The following NFATC1 variants were observed in gnomAD, a reference collection of about 807,000 sequenced individuals.
NFATC1 encodes nuclear factor of activated T-cells, cytoplasmic 1.
A neutral mutation model predicts 76.0 loss-of-function variants in NFATC1; 22 were observed. That is an observed-to-expected ratio of 0.29 (90% CI 0.21 to 0.41). NFATC1 has a LOEUF of 0.41. Among genes scored for constraint, NFATC1 ranks in the 10% least tolerant of loss-of-function variants. The probability of loss-of-function intolerance (pLI) is 1.00; values close to 1 mark genes in which losing one functional copy is unlikely to be tolerated. For missense variants in NFATC1, 1,357 were observed against 1,337.7 expected (o/e 1.01, Z -0.23); for synonymous variants, 704 against 613.1 (o/e 1.15, Z -2.19).
intron 1 of NFATC1, among the ~76,000 whole-genome samples, chr18:79,399,396 C>T (rs2085106617): frequency 6.6e-6 from 1 of 152,226 alleles, no homozygotes; most frequent in African/African-American, 2.4e-5. Flanking sequence ...GGGTTGCCAG[C>T]CTTGACACGC....
chr18:79,416,808 C>G (rs1013568586), intron 2 of NFATC1, among the ~76,000 whole-genome samples: 1 of 152,212 alleles, frequency 6.6e-6, no homozygotes, highest in African/African-American at 2.4e-5. Flanking sequence ...TTCCCGCTAA[C>G]CCTTGCTGGG....
At chr18:79,464,694 A>ATAT (rs1568994689) in intron 7 of NFATC1, among the ~76,000 whole-genome samples, 3 of 106,708 alleles carry the variant, frequency 2.8e-5, no homozygotes, top group African/African-American at 1.5e-4. Flanking sequence ...ATATATATAT[A>ATAT]TTTATTTATT....
intron 8 of NFATC1, among the ~76,000 whole-genome samples, chr18:79,474,701 G>GTAAACC (rs1280548804): frequency 7.1e-6 from 1 of 140,386 alleles, no homozygotes; most frequent in Non-Finnish European, 1.5e-5. Flanking sequence ...TGTCGACGTT[G>GTAAACC]TGAGGGAAGC....
At chr18:79,479,754 C>T (rs142717961) in intron 8 of NFATC1, among the ~76,000 whole-genome samples, 221 of 152,286 alleles carry the variant, frequency 1.5e-3, no homozygotes, top group Non-Finnish European at 2.5e-3. Context: ...CCGGGTGCCT[C>T]GCGCATCCCT....
intron 8 of NFATC1, chr18:79,469,723 C>T (rs2088695919): frequency 1.2e-5 from 12 of 985,898 alleles, no homozygotes; most frequent in Non-Finnish European, 1.4e-5. Context: ...GCCCGTTCTC[C>T]CTCTCTTTGC....
intron 1 of NFATC1, among the ~76,000 whole-genome samples, chr18:79,403,422 A>G (rs216118): frequency 6.6e-6 from 1 of 152,226 alleles, no homozygotes. Context: ...ACCCAGGAGC[A>G]GGCCCCGGGC....
intron 9 of NFATC1, among the ~76,000 whole-genome samples, chr18:79,488,094 C>G (rs1262908472): frequency 6.6e-6 from 1 of 152,200 alleles, no homozygotes; most frequent in Non-Finnish European, 1.5e-5. Context: ...GGCAGGGACT[C>G]CCGGGCGTCA....
chr18:79,527,973 T>C lies in NFATC1; in HGVS notation c.*396T>C, dbSNP rs2090813636. 7.3e-6 allele frequency: 3 copies of C among 410,658 alleles called. No homozygotes were observed. The highest frequency in any genetic ancestry group is 1.1e-4 in the South Asian group (1 of 8,876). The allele number at this position is 410,658 out of a possible 1,614,324, so 25.4% of individuals were successfully genotyped here. Reference sequence around the variant, plus strand: ...CATCAGGGCATCATAGAATTGAGCATTGAATTTGCTACTGTAGGAGTATTT... The same window carrying C: ...CATCAGGGCATCATAGAATTGAGCACTGAATTTGCTACTGTAGGAGTATTT... On this transcript the variant is annotated 3_prime_UTR_variant, in exon 10 of 10. Coordinates refer to ENST00000427363, the MANE Select transcript of NFATC1 (RefSeq NM_001278669.2).
chr18:79,475,650 G>A (rs1335551115), intron 8 of NFATC1, among the ~76,000 whole-genome samples: 9 of 152,346 alleles, frequency 5.9e-5, no homozygotes, highest in Non-Finnish European at 1.2e-4. Context: ...CACTGTCAAC[G>A]TTGTAAACCT....
intron 2 of NFATC1, among the ~76,000 whole-genome samples, chr18:79,424,697 CTGTG>C: frequency 6.6e-6 from 1 of 151,576 alleles, no homozygotes; most frequent in African/African-American, 2.4e-5. Flanking sequence ...CTCTGTCTCT[CTGTG>C]TTTCTCTGTG....
At chr18:79,440,580 G>A (rs867170992) in intron 3 of NFATC1, among the ~76,000 whole-genome samples, 1 of 152,200 alleles carries the variant, frequency 6.6e-6, no homozygotes, top group Admixed American at 6.5e-5. Flanking sequence ...TCCAGTGACC[G>A]AGGGTGGTGT....
At chr18:79,450,395 A>T (rs1434235726) in intron 4 of NFATC1, among the ~76,000 whole-genome samples, 7 of 148,674 alleles carry the variant, frequency 4.7e-5, no homozygotes, top group African/African-American at 1.7e-4. Context: ...TATTCTAATT[A>T]TGATTTATTA....
chr18:79,484,648 A>G (rs1172193849), intron 8 of NFATC1, among the ~76,000 whole-genome samples: 1 of 152,246 alleles, frequency 6.6e-6, no homozygotes, highest in African/African-American at 2.4e-5. Context: ...TCAGCACAAA[A>G]GCAACAAAAT....
chr18:79,457,651 A>G (rs539701075), intron 6 of NFATC1, among the ~76,000 whole-genome samples: 1 of 152,152 alleles, frequency 6.6e-6, no homozygotes, highest in Non-Finnish European at 1.5e-5. Context: ...GGCCACCACC[A>G]ATTTCAGAAC....
At chr18:79,446,305 A>G (rs1041895542) in intron 3 of NFATC1, among the ~76,000 whole-genome samples, 4 of 152,196 alleles carry the variant, frequency 2.6e-5, no homozygotes, top group African/African-American at 4.8e-5. Context: ...TCCACACACC[A>G]TCAGAGAACT....
chr18:79,476,623 A>T (rs753823579), intron 8 of NFATC1, among the ~76,000 whole-genome samples: 1 of 152,048 alleles, frequency 6.6e-6, no homozygotes, highest in Non-Finnish European at 1.5e-5. Flanking sequence ...CTGTATGTGT[A>T]GGAAGCCCCC....
Position 79,472,667 on chromosome 18 carries a change from A to G in NFATC1, c.2092+5085A>G, listed in dbSNP as rs183100036. ...CTCCCCTCACCCCACACACTTGGAG[A>G]CACCCTGGGGCTGGGCCTGAGCTCG... On this transcript the variant is annotated intron_variant, in intron 8 of 9. Transcript: ENST00000427363. Among the ~76,000 whole-genome samples, 764 of 151,720 alleles carry G rather than the reference A, an allele frequency of 5.0e-3. 9 individuals carry two copies. The highest frequency in any genetic ancestry group is 0.017 in the African/African-American group (705 of 41,336).
intron 2 of NFATC1, among the ~76,000 whole-genome samples, chr18:79,428,151 G>A (rs1041896578): frequency 1.1e-4 from 16 of 152,170 alleles, no homozygotes; most frequent in Non-Finnish European, 1.6e-4. Context: ...TGCGGGGGCC[G>A]GCCTCGGGCC....
intron 9 of NFATC1, among the ~76,000 whole-genome samples, chr18:79,503,258 G>A (rs1016894307): frequency 1.3e-5 from 2 of 152,142 alleles, no homozygotes; most frequent in Non-Finnish European, 2.9e-5. Context: ...CAGAGACGTC[G>A]CAGGTTCAGC....
Sources: allele counts gnomAD v4.1 joint callset (sites outside exome capture counted in the v4.1 genomes callset), GRCh38; gene constraint gnomAD v4.1.1; transcripts MANE v1.5; gene names NCBI Gene and HGNC (gene_info 2026-07-23, HGNC 2026-07-21).